Variants in SLC44A3 observed in about 807,000 individuals in gnomAD.
The protein encoded by SLC44A3 is choline transporter-like protein 3.
A neutral mutation model predicts 75.4 loss-of-function variants in SLC44A3; 74 were observed. The ratio of observed to expected loss-of-function variants is 0.98; its 90% confidence interval spans 0.81 to 1.19. The LOEUF (loss-of-function observed/expected upper bound fraction) is 1.19. Ranked by LOEUF, SLC44A3 falls within the 50% of genes most tolerant of loss-of-function variation. The pLI is 0.00. For synonymous variants in SLC44A3, 310 were observed against 296.9 expected (o/e 1.04, Z -0.45); for missense variants, 700 against 778.6 (o/e 0.90, Z 1.20).
At chr1:94,851,016 C>G (rs1214551788) in intron 9 of SLC44A3, among the ~76,000 whole-genome samples, 1 of 152,008 alleles carries the variant, frequency 6.6e-6, no homozygotes, top group South Asian at 2.1e-4. Context: ...AGTTCCTGGT[C>G]CCTTTGGGAA....
chr1:94,860,741 G>A (rs1314887942), intron 10 of SLC44A3, among the ~76,000 whole-genome samples: 1 of 152,232 alleles, frequency 6.6e-6, no homozygotes, highest in East Asian at 1.9e-4. Flanking sequence ...ACAAAGTCAT[G>A]CACAGGCAGT....
At position 94,892,416 on chromosome 1, in the gene SLC44A3, T is replaced by C. The variant is rs1670318690; in HGVS notation, c.1756T>C (p.Phe586Leu). 6.2e-7 allele frequency: 1 copy of C among 1,614,086 alleles called. No individual in the cohort carries two copies. Among genetic ancestry groups the C allele is most frequent in the African/African-American group, 1.3e-5 (1 of 74,930 alleles). ...AGTAGCCCATAGTTTTTTATCTGTG[T>C]TTGAAACTGTGCTGGATGCACTTTT... ...YLVAHSFLSV[F>L]ETVLDALFLC... The change falls in exon 14 of 15, where the codon TTT (phenylalanine) becomes CTT (leucine). Residue 586 changes from phenylalanine to leucine, a missense_variant. Transcript: ENST00000271227.
chr1:94,895,066 T>C lies in SLC44A3; in HGVS notation c.*144T>C. On this transcript the variant is annotated 3_prime_UTR_variant, in exon 15 of 15. Coordinates refer to ENST00000271227, the MANE Select transcript of SLC44A3 (RefSeq NM_001114106.3). ...CTATTCTTCCTCATTGTCTTTGTCA[T>C]TATTGTTTGACCAGGTAACAATACT... is the stretch of plus-strand genomic sequence containing the variant. 2 of 616,966 alleles carry C rather than the reference T, an allele frequency of 3.2e-6. No homozygotes were observed. The highest frequency in any genetic ancestry group is 5.6e-5 in the East Asian group (2 of 36,010). 38.2% of individuals were successfully genotyped at this position (616,966 alleles called of 1,614,324 possible).
chr1:94,826,042 C>A, intron 3 of SLC44A3: 2 of 392,782 alleles, frequency 5.1e-6, no homozygotes, highest in South Asian at 1.8e-5. Context: ...ATGTATATTA[C>A]AATGAAATAT....
intron 12 of SLC44A3, among the ~76,000 whole-genome samples, chr1:94,876,806 G>A (rs1345508413): frequency 1.3e-5 from 2 of 152,142 alleles, no homozygotes; most frequent in Admixed American, 1.3e-4. Context: ...GCCACTGGAC[G>A]GGTGGAAAAT....
chr1:94,877,676 G>T (rs1668441762), intron 12 of SLC44A3, among the ~76,000 whole-genome samples: 1 of 152,136 alleles, frequency 6.6e-6, no homozygotes. Flanking sequence ...TCTAGGTGGG[G>T]CGAAAAAGTT....
At chr1:94,890,704 C>T (rs1009512192) in intron 12 of SLC44A3, among the ~76,000 whole-genome samples, 82 of 152,126 alleles carry the variant, frequency 5.4e-4, no homozygotes, top group African/African-American at 1.9e-3. Flanking sequence ...AACTTATCGC[C>T]AGGGTGGTGG....
At chr1:94,844,455 C>T (rs541659264) in intron 8 of SLC44A3, among the ~76,000 whole-genome samples, 1 of 152,148 alleles carries the variant, frequency 6.6e-6, no homozygotes, top group South Asian at 2.1e-4. Context: ...TAGGAGATAC[C>T]CCCAGAAGAT....
intron 2 of SLC44A3, among the ~76,000 whole-genome samples, chr1:94,823,131 A>T (rs373096189): frequency 6.6e-6 from 1 of 152,324 alleles, no homozygotes; most frequent in African/African-American, 2.4e-5. Context: ...GGAAAGAATG[A>T]TGGTAAATGG....
chr1:94,840,197 G>A (rs879859467), intron 7 of SLC44A3, among the ~76,000 whole-genome samples, 160 bp downstream of exon 7: 5 of 151,696 alleles, frequency 3.3e-5, no homozygotes, highest in Non-Finnish European at 4.4e-5. Flanking sequence ...CAGGGAGGAC[G>A]ATGGGAGTTG....
chr1:94,890,029 T>C (rs1379533241), intron 12 of SLC44A3, among the ~76,000 whole-genome samples: 1 of 152,180 alleles, frequency 6.6e-6, no homozygotes, highest in African/African-American at 2.4e-5. Flanking sequence ...TTTGTATTTT[T>C]AGTAGAGAAG....
chr1:94,862,669 G>A (rs1666713118), intron 10 of SLC44A3, among the ~76,000 whole-genome samples: 1 of 152,152 alleles, frequency 6.6e-6, no homozygotes, highest in Non-Finnish European at 1.5e-5. Flanking sequence ...CTCTAACACT[G>A]CCCGTGTCTT....
At chr1:94,827,711 C>T in intron 4 of SLC44A3, 68 bp downstream of exon 4, 1 of 1,542,684 alleles carries the variant, frequency 6.5e-7, no homozygotes, top group South Asian at 1.2e-5. Context: ...TAGATGAGAT[C>T]ATTTACCCTG....
intron 12 of SLC44A3, among the ~76,000 whole-genome samples, chr1:94,878,657 A>G (rs571148622): frequency 2.0e-5 from 3 of 152,330 alleles, no homozygotes; most frequent in Admixed American, 6.5e-5. Context: ...CAGAAAGAAA[A>G]TATCTGTCAC....
chr1:94,843,464 GC>G (rs1663944741), intron 8 of SLC44A3: 1 of 152,136 alleles, frequency 6.6e-6, no homozygotes, highest in South Asian at 2.1e-4. Context: ...GTCTTGCGGG[GC>G]CTCTCCTGAC....
At chr1:94,864,924 C>T (rs368468115) in intron 11 of SLC44A3, 25 bp downstream of exon 11, 349 of 1,607,130 alleles carry the variant, frequency 2.2e-4, no homozygotes, top group Non-Finnish European at 2.8e-4. Context: ...TGATACACAG[C>T]ACGTTCTGTG....
rs1180926066 is a variant in SLC44A3 at position 94,839,640 on chromosome 1, C to T, written c.671-308C>T. ...CTGACCTCAGGTGATCCACCCGCCT[C>T]GGCCTCCCAAAGTGCTGGGATTATA... On this transcript the variant is annotated intron_variant, in intron 6 of 14. Transcript: ENST00000271227. Among the ~76,000 whole-genome samples, 3 of 152,262 alleles carry T rather than the reference C, an allele frequency of 2.0e-5. No individual in the cohort carries two copies. The East Asian group carries it at 5.8e-4, about 29-fold the overall frequency.
At chr1:94,834,781 G>A (rs115503033) in intron 5 of SLC44A3, among the ~76,000 whole-genome samples, 4,197 of 152,248 alleles carry the variant, frequency 0.028, 238 homozygotes, top group African/African-American at 0.097. Context: ...CACTGCTCCC[G>A]GTGAAAGGGA....
At chr1:94,838,527 G>A (rs530841571) in intron 6 of SLC44A3, among the ~76,000 whole-genome samples, 2 of 152,322 alleles carry the variant, frequency 1.3e-5, no homozygotes, top group African/African-American at 4.8e-5. Context: ...TTTAGACAGT[G>A]GTAAGAGCCT....
Sources: allele counts gnomAD v4.1 joint callset (sites outside exome capture counted in the v4.1 genomes callset), GRCh38; gene constraint gnomAD v4.1.1; transcripts MANE v1.5; gene names NCBI Gene and HGNC (gene_info 2026-07-23, HGNC 2026-07-21).